The following TAMM41 variants were observed in gnomAD, a reference collection of about 807,000 sequenced individuals.
TAMM41 encodes the protein TAM41 mitochondrial translocator assembly and maintenance homolog.
Under a neutral mutation model 44.1 loss-of-function variants are expected in TAMM41, and 36 were observed. The observed-to-expected ratio is 0.82, with a 90% CI of 0.63 to 1.08. TAMM41 has a LOEUF of 1.08. Ranked by LOEUF, TAMM41 falls within the 50% of genes least tolerant of loss-of-function variation. The pLI is 0.00. For synonymous variants in TAMM41, 164 were observed against 153.1 expected (o/e 1.07, Z -0.53); for missense variants, 417 against 404.3 (o/e 1.03, Z -0.27).
At chr3:11,834,977 C>T (rs1340649739) in intron 3 of TAMM41, among the ~76,000 whole-genome samples, 3 of 152,152 alleles carry the variant, frequency 2.0e-5, no homozygotes. Context: ...CATGAGCCAC[C>T]GCACTCGGCC....
chr3:11,833,059 A>G, intron 3 of TAMM41: 1 of 1,232,518 alleles, frequency 8.1e-7, no homozygotes. Flanking sequence ...TGGTTCTTCA[A>G]TGAAAGGTGA....
At chr3:11,754,766 C>T in the TAMM41 span, among the ~76,000 whole-genome samples, 3 of 138,432 alleles carry the variant, frequency 2.2e-5, no homozygotes, top group African/African-American at 8.2e-5. Flanking sequence ...CACACTGGAG[C>T]GCACTGGCAT....
intron 1 of TAMM41, among the ~76,000 whole-genome samples, chr3:11,844,491 A>G (rs1245305189): frequency 6.6e-6 from 1 of 152,198 alleles, no homozygotes; most frequent in Non-Finnish European, 1.5e-5. Context: ...GCACAACCCT[A>G]CAAGGTAGCT....
intron 4 of TAMM41, among the ~76,000 whole-genome samples, chr3:11,827,357 T>C (rs2078797821): frequency 6.6e-6 from 1 of 151,204 alleles, no homozygotes; most frequent in Admixed American, 6.6e-5. Context: ...TCATCCAGGC[T>C]GGAGTGCACT....
At chr3:11,816,471 A>G (rs2078281087) in intron 5 of TAMM41, among the ~76,000 whole-genome samples, 1 of 152,216 alleles carries the variant, frequency 6.6e-6, no homozygotes, top group African/African-American at 2.4e-5. Context: ...GATCTGGAAG[A>G]ACAGACAGCA....
chr3:11,791,511 TG>T (rs1026163525), intron 7 of TAMM41, among the ~76,000 whole-genome samples: 1 of 152,202 alleles, frequency 6.6e-6, no homozygotes, highest in Non-Finnish European at 1.5e-5. Context: ...TTTCAGGGTG[TG>T]GCCCAAAGAT....
At chr3:11,764,856 T>C in the TAMM41 span, among the ~76,000 whole-genome samples, 1 of 152,320 alleles carries the variant, frequency 6.6e-6, no homozygotes, top group South Asian at 2.1e-4. Context: ...GTAAGTTATA[T>C]ACAAACCTTT....
the TAMM41 span, among the ~76,000 whole-genome samples, chr3:11,777,919 C>T: frequency 6.6e-6 from 1 of 152,106 alleles, no homozygotes; most frequent in Admixed American, 6.6e-5. Flanking sequence ...CTCCTAAGCC[C>T]CCAAGCCCCC....
the TAMM41 span, among the ~76,000 whole-genome samples, chr3:11,748,167 G>A: frequency 6.6e-6 from 1 of 151,442 alleles, no homozygotes; most frequent in Non-Finnish European, 1.5e-5. Flanking sequence ...GAGCCACCAC[G>A]CCCAGCCTCT....
intron 4 of TAMM41, among the ~76,000 whole-genome samples, chr3:11,819,115 C>T (rs2078407594): frequency 6.6e-6 from 1 of 152,108 alleles, no homozygotes; most frequent in Admixed American, 6.6e-5. Flanking sequence ...GAAATCAGTC[C>T]TTTCACATAT....
intron 3 of TAMM41, among the ~76,000 whole-genome samples, chr3:11,830,370 G>A (rs1256388741): frequency 1.3e-5 from 2 of 152,118 alleles, no homozygotes; most frequent in East Asian, 1.9e-4. Flanking sequence ...GAAAAAGAAC[G>A]GGTTTTAGAG....
chr3:11,756,694 C>T, the TAMM41 span, among the ~76,000 whole-genome samples: 6 of 151,872 alleles, frequency 4.0e-5, no homozygotes, highest in African/African-American at 4.8e-5. Flanking sequence ...GGAGAAACCC[C>T]GTCTCTACTA....
intron 4 of TAMM41, among the ~76,000 whole-genome samples, chr3:11,829,020 A>G (rs2078874117): frequency 6.6e-6 from 1 of 152,174 alleles, no homozygotes; most frequent in Non-Finnish European, 1.5e-5. Flanking sequence ...GTAAAAAGAT[A>G]GATGGGGGCT....
chr3:11,722,572 A>C, the TAMM41 span, among the ~76,000 whole-genome samples: 1 of 152,224 alleles, frequency 6.6e-6, no homozygotes, highest in African/African-American at 2.4e-5. Flanking sequence ...TTAAAAATAA[A>C]ATTAAAAATA....
the TAMM41 span, among the ~76,000 whole-genome samples, chr3:11,760,135 G>A: frequency 6.6e-6 from 1 of 152,088 alleles, no homozygotes; most frequent in African/African-American, 2.4e-5. Context: ...TTTCATTAAG[G>A]AAATATATTA....
At chr3:11,743,278 TG>T in the TAMM41 span, among the ~76,000 whole-genome samples, 1 of 151,778 alleles carries the variant, frequency 6.6e-6, no homozygotes, top group African/African-American at 2.4e-5. Flanking sequence ...TCTGGTCCCA[TG>T]GTCCTCCAAA....
rs1294190068 is a variant in TAMM41 at position 11,846,569 on chromosome 3, TCC to T, written c.66_67del (p.Glu23AlafsTer34). 2 of 1,614,142 alleles carry T rather than the reference TCC, an allele frequency of 1.2e-6. No homozygotes were observed. The highest frequency in any genetic ancestry group is 1.1e-5 in the South Asian group (1 of 91,082). Reference sequence around the variant, plus strand: ...GCCGTAGACGAAAGCCAGACTCAGCTCCTCGGGGAAGTGAGACAGGATCTTGC... The same window carrying T: ...GCCGTAGACGAAAGCCAGACTCAGCTTCGGGGAAGTGAGACAGGATCTTGC... On this transcript the variant is annotated frameshift_variant, in exon 1 of 8. Coordinates refer to ENST00000455809, the MANE Select transcript of TAMM41 (RefSeq NM_001284401.2). LOFTEE classifies it high-confidence loss of function.
At chr3:11,845,034 T>C (rs555882849) in intron 1 of TAMM41, 1 of 455,650 alleles carries the variant, frequency 2.2e-6, no homozygotes, top group Non-Finnish European at 4.4e-6. Flanking sequence ...GGGAGCCGTG[T>C]TGGAGGAAAG....
chr3:11,829,719 T>C lies in TAMM41; in HGVS notation c.557A>G (p.Tyr186Cys). The C allele has an allele frequency of 4.3e-6, 7 of 1,614,094 alleles. No homozygotes were observed. The highest frequency in any genetic ancestry group is 1.1e-5 in the South Asian group (1 of 91,078). ...TGGGCAGCAACCATACTAACCTGAATAGGAGAGACCGGCAATCTCTATGAA... is the reference window on the plus strand; with the variant it reads ...TGGGCAGCAACCATACTAACCTGAACAGGAGAGACCGGCAATCTCTATGAA... Reference protein sequence around the residue: ...DLFIEIAGLSYSGDFRMVVGE... With the variant: ...DLFIEIAGLSCSGDFRMVVGE... Residue 186 changes from tyrosine (Y) to cysteine (C), a missense_variant, in exon 4 of 8, where the codon TAT becomes TGT. Coordinates refer to ENST00000455809, the MANE Select transcript of TAMM41 (RefSeq NM_001284401.2).
Sources: allele counts gnomAD v4.1 joint callset (sites outside exome capture counted in the v4.1 genomes callset), GRCh38; gene constraint gnomAD v4.1.1; transcripts MANE v1.5; gene names NCBI Gene and HGNC (gene_info 2026-07-23, HGNC 2026-07-21).